The following FANCL variants were observed in gnomAD, a reference collection of about 807,000 sequenced individuals.
FANCL encodes FA complementation group L, also known as E3 ubiquitin-protein ligase FANCL.
A neutral mutation model predicts 59.4 loss-of-function variants in FANCL; 69 were observed. The ratio of observed to expected loss-of-function variants is 1.16; its 90% CI spans 0.96 to 1.42. The LOEUF (loss-of-function observed/expected upper bound fraction) is 1.42, where lower values mean the gene tolerates loss of function less well. FANCL is among the 40% of genes most tolerant of loss of function. The pLI is 0.00. For missense variants in FANCL, 519 were observed against 447.2 expected (o/e 1.16, Z -1.45); for synonymous variants, 180 against 147.1 (o/e 1.22, Z -1.62).
intron 6 of FANCL, among the ~76,000 whole-genome samples, chr2:58,199,578 A>G (rs1689791439): frequency 6.6e-6 from 1 of 152,160 alleles, no homozygotes; most frequent in African/African-American, 2.4e-5. Flanking sequence ...ATACAAAATT[A>G]TTTCTTCAAC....
chr2:58,196,334 G>A (rs576767523), intron 7 of FANCL, among the ~76,000 whole-genome samples: 49 of 152,096 alleles, frequency 3.2e-4, no homozygotes, highest in African/African-American at 1.1e-3. Flanking sequence ...AGATGTATCT[G>A]AACCAAAAGT....
At chr2:58,167,282 G>A (rs191483351) in intron 7 of FANCL, among the ~76,000 whole-genome samples, 16 of 152,262 alleles carry the variant, frequency 1.1e-4, no homozygotes, top group Admixed American at 7.9e-4. Flanking sequence ...GGATATTGAC[G>A]GTATAATGTC....
chr2:58,202,413 A>G (rs1690133444), intron 6 of FANCL, among the ~76,000 whole-genome samples: 1 of 151,704 alleles, frequency 6.6e-6, no homozygotes, highest in African/African-American at 2.4e-5. Flanking sequence ...CACATCTCAA[A>G]GACAGCTATG....
intron 5 of FANCL, among the ~76,000 whole-genome samples, chr2:58,217,167 TATATA>T (rs1558806276): frequency 6.2e-5 from 2 of 32,138 alleles, no homozygotes; most frequent in South Asian, 8.8e-4. Context: ...TTATATATTT[TATATA>T]TATATATATA....
intron 4 of FANCL, among the ~76,000 whole-genome samples, chr2:58,226,132 A>T (rs189121096): frequency 6.6e-6 from 1 of 152,230 alleles, no homozygotes; most frequent in East Asian, 1.9e-4. Context: ...AGAGGAAATA[A>T]GATTGGCAAA....
At chr2:58,207,543 T>C (rs1486673071) in intron 5 of FANCL, among the ~76,000 whole-genome samples, 1 of 152,224 alleles carries the variant, frequency 6.6e-6, no homozygotes, top group Non-Finnish European at 1.5e-5. Flanking sequence ...TACCTCTGAA[T>C]TGTTAAATGA....
At chr2:58,177,910 C>T (rs934404661) in intron 7 of FANCL, among the ~76,000 whole-genome samples, 1 of 151,708 alleles carries the variant, frequency 6.6e-6, no homozygotes, top group African/African-American at 2.4e-5. Context: ...AAGGGGATAT[C>T]GCCACTGATC....
intron 7 of FANCL, among the ~76,000 whole-genome samples, chr2:58,168,517 T>C (rs1282540223): frequency 2.6e-5 from 4 of 151,984 alleles, no homozygotes; most frequent in African/African-American, 7.3e-5. Context: ...CAAAACTGGG[T>C]GGTCATTTGG....
intron 5 of FANCL, among the ~76,000 whole-genome samples, chr2:58,206,970 C>T (rs559730339): frequency 8.9e-4 from 136 of 152,218 alleles, no homozygotes; most frequent in Non-Finnish European, 1.4e-3. Flanking sequence ...CTTACCTTCT[C>T]CAGTTTGGTA....
At chr2:58,239,480 G>A (rs1261039339) in intron 1 of FANCL, among the ~76,000 whole-genome samples, 1 of 152,180 alleles carries the variant, frequency 6.6e-6, no homozygotes, top group African/African-American at 2.4e-5. Context: ...AACAGACTGA[G>A]AATTGTTCCA....
intron 8 of FANCL, 38 bp from the exon 9 acceptor site, chr2:58,163,555 C>A (rs775011832): frequency 6.3e-6 from 8 of 1,277,820 alleles, no homozygotes; most frequent in Non-Finnish European, 9.1e-6. Flanking sequence ...AGAAGTAGAA[C>A]AGCTCATCAA....
At chr2:58,193,338 G>A (rs980037863) in intron 7 of FANCL, among the ~76,000 whole-genome samples, 1 of 151,898 alleles carries the variant, frequency 6.6e-6, no homozygotes, top group Admixed American at 6.6e-5. Context: ...AGCATTAATG[G>A]TAACTTTACA....
In FANCL at chr2:58,217,142, GATTTATATATATATTTATATATTTT is replaced by G. The variant is rs1321396323; in HGVS notation, c.374+4775_374+4799del. ...ACATATATATATATTTTTATATATAGATTTATATATATATTTATATATTTTATATATATATATATATATATATATA... is the reference window on the plus strand; with the variant it reads ...ACATATATATATATTTTTATATATAGATATATATATATATATATATATATA... On this transcript the variant is annotated intron_variant, in intron 5 of 13. Transcript: ENST00000233741. Among the ~76,000 whole-genome samples the G allele has an allele frequency of 2.9e-4, 19 of 64,964 alleles. 1 individual carries two copies. The highest frequency in any genetic ancestry group is 5.6e-4 in the South Asian group (1 of 1,778). The allele number at this position is 64,964 out of a possible 152,430, so 42.6% of individuals were successfully genotyped here.
intron 7 of FANCL, among the ~76,000 whole-genome samples, chr2:58,169,967 TA>T (rs1428409864): frequency 6.6e-6 from 1 of 151,984 alleles, no homozygotes; most frequent in Non-Finnish European, 1.5e-5. Context: ...GGAACCAAGT[TA>T]AAAAACACTC....
At chr2:58,225,537 T>C (rs1381609949) in intron 4 of FANCL, among the ~76,000 whole-genome samples, 1 of 152,032 alleles carries the variant, frequency 6.6e-6, no homozygotes, top group Non-Finnish European at 1.5e-5. Context: ...TTATATTGAA[T>C]GGATCTAAAC....
chr2:58,161,250 A>G (rs887270779), intron 12 of FANCL, among the ~76,000 whole-genome samples: 2 of 151,994 alleles, frequency 1.3e-5, no homozygotes, highest in Admixed American at 6.6e-5. Context: ...TGTACCATCA[A>G]TTTAATTTGT....
At chr2:58,226,960 T>G (rs1326818128) in intron 3 of FANCL, among the ~76,000 whole-genome samples, 176 bp from the exon 4 acceptor site, 2 of 152,244 alleles carry the variant, frequency 1.3e-5, no homozygotes, top group African/African-American at 4.8e-5. Context: ...CAATTTCATT[T>G]TGAAACAGTA....
intron 5 of FANCL, among the ~76,000 whole-genome samples, chr2:58,206,071 T>C (rs972463339): frequency 5.9e-5 from 9 of 152,070 alleles, no homozygotes; most frequent in Non-Finnish European, 7.4e-5. Flanking sequence ...AAATGAAGAA[T>C]TGACAAAAAT....
chr2:58,240,023 T>C (rs1479536736), intron 1 of FANCL, among the ~76,000 whole-genome samples: 3 of 151,676 alleles, frequency 2.0e-5, no homozygotes, highest in Non-Finnish European at 4.4e-5. Flanking sequence ...TCAATTCTAA[T>C]GGGTGTACTT....
Sources: gnomAD v4.1 joint callset for allele counts (sites outside exome capture counted in the v4.1 genomes callset) on GRCh38, gnomAD v4.1.1 for gene constraint, MANE v1.5 for transcripts, NCBI Gene and HGNC (gene_info 2026-07-23, HGNC 2026-07-21) for gene names.